EPB41L4A: variants seen among roughly 807,000 people sequenced by gnomAD.
EPB41L4A encodes the protein band 4.1-like protein 4A.
Under a neutral mutation model 108.6 loss-of-function variants are expected in EPB41L4A, and 100 were observed. That is an observed-to-expected ratio of 0.92 (90% CI 0.78 to 1.09). The LOEUF is 1.09. Among genes scored for constraint, EPB41L4A ranks in the 50% least tolerant of loss-of-function variants. EPB41L4A has a pLI of 0.00. For missense variants in EPB41L4A, 1,030 were observed against 842.7 expected (o/e 1.22, Z -2.75); for synonymous variants, 319 against 289.0 (o/e 1.10, Z -1.05).
chr5:112,386,191 T>C (rs1408621421), intron 1 of EPB41L4A, among the ~76,000 whole-genome samples: 4 of 152,230 alleles, frequency 2.6e-5, no homozygotes, highest in Non-Finnish European at 5.9e-5. Context: ...AGGGGCATCA[T>C]ATGCTGAATC....
intron 9 of EPB41L4A, among the ~76,000 whole-genome samples, chr5:112,254,488 A>G (rs1317733709): frequency 6.6e-6 from 1 of 152,116 alleles, no homozygotes; most frequent in Non-Finnish European, 1.5e-5. Context: ...TGGAGGGTGA[A>G]GCCCAGAGTT....
intron 11 of EPB41L4A, 143 bp downstream of exon 11, chr5:112,239,517 A>T: frequency 2.2e-6 from 1 of 459,366 alleles, no homozygotes. Flanking sequence ...AGAAAGTTTT[A>T]ATAAACTGTT....
intron 4 of EPB41L4A, among the ~76,000 whole-genome samples, chr5:112,272,730 G>A (rs551400846): frequency 2.3e-4 from 31 of 132,154 alleles, no homozygotes; most frequent in South Asian, 1.0e-3. Context: ...GCAGTGAGCT[G>A]AGATTGCACC....
chr5:112,349,072 A>C (rs1757869989), intron 1 of EPB41L4A, among the ~76,000 whole-genome samples: 2 of 152,228 alleles, frequency 1.3e-5, no homozygotes, highest in Admixed American at 1.3e-4. Context: ...CCACAACTTC[A>C]AATGACACCG....
chr5:112,265,316 A>T (rs1394365839), intron 5 of EPB41L4A, among the ~76,000 whole-genome samples: 3 of 152,248 alleles, frequency 2.0e-5, no homozygotes, highest in African/African-American at 7.2e-5. Flanking sequence ...TGTAAACAGC[A>T]TTTCAAGTAC....
At chr5:112,414,879 T>C (rs1359954817) in intron 1 of EPB41L4A, among the ~76,000 whole-genome samples, 2 of 152,202 alleles carry the variant, frequency 1.3e-5, no homozygotes, top group South Asian at 2.1e-4. Flanking sequence ...GGAGAGACAC[T>C]TTCTAGCCCA....
intron 13 of EPB41L4A, among the ~76,000 whole-genome samples, chr5:112,207,234 G>A (rs1762516743): frequency 6.6e-6 from 1 of 152,154 alleles, no homozygotes; most frequent in Non-Finnish European, 1.5e-5. Context: ...ATGCAGAAGA[G>A]TGAAACTGGA....
rs1403614093 is a variant in EPB41L4A, at chr5:112,264,997, G to A, written c.453C>T (p.Asp151=). 6.3e-7 allele frequency: 1 copy of A among 1,592,880 alleles called. No individual in the cohort carries two copies. The change falls in exon 6 of 23, where the codon GAC becomes GAT. Residue 151 remains aspartate (D), a synonymous_variant. Coordinates refer to ENST00000261486, the MANE Select transcript of EPB41L4A (RefSeq NM_022140.5). The part of the protein sequence containing the change: ...YAIQSELGDY[D]PYKHTAGYVS... ...CATATCCTGCAGTATGTTTATATGGGTCATAATCTCCAAGCTCCGCTAAAA... is the reference window on the plus strand; with the variant it reads ...CATATCCTGCAGTATGTTTATATGGATCATAATCTCCAAGCTCCGCTAAAA...
intron 18 of EPB41L4A, among the ~76,000 whole-genome samples, chr5:112,178,638 C>G (rs1011811838): frequency 1.3e-5 from 2 of 151,322 alleles, no homozygotes; most frequent in Non-Finnish European, 2.9e-5. Flanking sequence ...TGTAGAAAAT[C>G]CTGAAATATT....
chr5:112,157,325 A>G (rs1759685763), intron 12 of EPB41L4A, among the ~76,000 whole-genome samples: 1 of 152,214 alleles, frequency 6.6e-6, no homozygotes, highest in Non-Finnish European at 1.5e-5. Context: ...GTTTGTCTGC[A>G]AAATCTCGTT....
intron 12 of EPB41L4A, among the ~76,000 whole-genome samples, chr5:112,147,438 G>A (rs35487624): frequency 2.0e-5 from 3 of 151,872 alleles, no homozygotes; most frequent in South Asian, 2.1e-4. Context: ...TCAGGAGTTC[G>A]AGACCAGCCT....
At chr5:112,412,818 CT>C (rs1430158408) in intron 1 of EPB41L4A, among the ~76,000 whole-genome samples, 3 of 152,218 alleles carry the variant, frequency 2.0e-5, no homozygotes, top group African/African-American at 7.2e-5. Context: ...AGTTTGATCT[CT>C]GACTTGTCAT....
chr5:112,403,881 G>A (rs1761932925), intron 1 of EPB41L4A, among the ~76,000 whole-genome samples: 1 of 152,052 alleles, frequency 6.6e-6, no homozygotes, highest in South Asian at 2.1e-4. Flanking sequence ...CTATTCTACT[G>A]GAAATACAAA....
chr5:112,365,527 T>C (rs1275597817), intron 1 of EPB41L4A, among the ~76,000 whole-genome samples: 2 of 152,194 alleles, frequency 1.3e-5, no homozygotes, highest in Non-Finnish European at 2.9e-5. Context: ...TCGAGAAAAG[T>C]TGCAGAGATA....
intron 1 of EPB41L4A, among the ~76,000 whole-genome samples, chr5:112,309,325 C>G (rs1754896970): frequency 6.6e-6 from 1 of 152,104 alleles, no homozygotes; most frequent in Non-Finnish European, 1.5e-5. Context: ...CTTTCTTTTT[C>G]AAAACTATCT....
rs779395646 is a variant in EPB41L4A, at chr5:112,419,018, G to C, written c.22C>G (p.Pro8Ala). MGCFCAV[P>A]EEFYCEVLLL... The stretch of plus-strand genomic sequence containing the variant: ...AAAACTTCGCAGTAAAATTCTTCCG[G>C]AACAGCGCAGAAACAGCCCATGTCG... The change falls in exon 1 of 23, where the codon CCG becomes GCG. Residue 8 changes from proline (P) to alanine (A), a missense_variant. Coordinates refer to ENST00000261486, the MANE Select transcript of EPB41L4A (RefSeq NM_022140.5). 1.2e-6 allele frequency: 2 copies of C among 1,613,612 alleles called. No homozygotes were observed. Among genetic ancestry groups the C allele is most frequent in the Non-Finnish European group, 1.7e-6 (2 of 1,179,686 alleles).
At chr5:112,348,195 C>A (rs186452518) in intron 1 of EPB41L4A, among the ~76,000 whole-genome samples, 1 of 152,232 alleles carries the variant, frequency 6.6e-6, no homozygotes, top group Admixed American at 6.5e-5. Flanking sequence ...AAGTCCGTAC[C>A]CAGCTTTCAA....
chr5:112,351,164 G>T (rs1421858824), intron 1 of EPB41L4A, among the ~76,000 whole-genome samples: 2 of 152,064 alleles, frequency 1.3e-5, no homozygotes, highest in Admixed American at 1.3e-4. Context: ...ATTGAGACTA[G>T]AAAATACAAG....
At chr5:112,193,665 C>T (rs891108026) in intron 17 of EPB41L4A, among the ~76,000 whole-genome samples, 1 of 152,204 alleles carries the variant, frequency 6.6e-6, no homozygotes, top group Non-Finnish European at 1.5e-5. Context: ...CAGAGGTCCA[C>T]ATTAGGTGAA....
Sources: gnomAD v4.1 joint callset for allele counts (sites outside exome capture counted in the v4.1 genomes callset) on GRCh38, gnomAD v4.1.1 for gene constraint, MANE v1.5 for transcripts, NCBI Gene and HGNC (gene_info 2026-07-23, HGNC 2026-07-21) for gene names.